KCND2: variants seen among roughly 807,000 people sequenced by gnomAD.
The protein encoded by KCND2 is A-type voltage-gated potassium channel KCND2.
KCND2 carries 16 observed loss-of-function variants against 54.4 expected under a neutral mutation model. That is an observed-to-expected ratio of 0.29 (90% CI 0.20 to 0.45). KCND2 has a LOEUF of 0.45. KCND2 is among the 20% of genes least tolerant of loss of function. The pLI is 1.00. For synonymous variants in KCND2, 317 were observed against 310.7 expected (o/e 1.02, Z -0.21); for missense variants, 486 against 824.2 (o/e 0.59, Z 5.02).
intron 1 of KCND2, among the ~76,000 whole-genome samples, chr7:120,535,861 A>G (rs897066666): frequency 1.3e-5 from 2 of 152,126 alleles, no homozygotes; most frequent in Admixed American, 6.6e-5. Context: ...AGACCCTTGC[A>G]TAGTCCATAA....
intron 1 of KCND2, among the ~76,000 whole-genome samples, chr7:120,683,217 A>G (rs969271162): frequency 2.0e-5 from 3 of 152,196 alleles, no homozygotes; most frequent in Non-Finnish European, 2.9e-5. Flanking sequence ...GAATAAATGA[A>G]GAAATCCTAT....
At chr7:120,688,721 C>G (rs1792234003) in intron 1 of KCND2, among the ~76,000 whole-genome samples, 1 of 152,130 alleles carries the variant, frequency 6.6e-6, no homozygotes, top group African/African-American at 2.4e-5. Flanking sequence ...ATTCTTCCAT[C>G]TTGATCTCAT....
intron 1 of KCND2, chr7:120,464,148 T>C: frequency 1.1e-6 from 1 of 877,420 alleles, no homozygotes. Flanking sequence ...CTATATCAAA[T>C]TGTATTGTCA....
intron 1 of KCND2, among the ~76,000 whole-genome samples, chr7:120,646,485 A>AT (rs1246763134): frequency 3.3e-5 from 5 of 152,002 alleles, no homozygotes; most frequent in African/African-American, 1.2e-4. Flanking sequence ...GTTTATGGTG[A>AT]TTTTTTTCTG....
intron 1 of KCND2, among the ~76,000 whole-genome samples, chr7:120,629,290 A>G (rs745547681): frequency 5.9e-5 from 9 of 152,212 alleles, no homozygotes; most frequent in Non-Finnish European, 1.3e-4. Context: ...GATTGAGACT[A>G]TGCTTGGTAA....
At chr7:120,622,711 T>TCA (rs1793116643) in intron 1 of KCND2, among the ~76,000 whole-genome samples, 1 of 134,000 alleles carries the variant, frequency 7.5e-6, no homozygotes, top group African/African-American at 2.7e-5. Context: ...TCTCTCTCTC[T>TCA]CTCTCACACA....
At position 120,572,707 on chromosome 7, in the gene KCND2, G is replaced by A. The variant is rs550109960; in HGVS notation, c.1116-160196G>A. On this transcript the variant is annotated intron_variant, in intron 1 of 5. Transcript: ENST00000331113. ...TAATTTTTGTACTTTTATTAGAGAC[G>A]GGGTTTCATCATATTGGCCAGGCTG... Among the ~76,000 whole-genome samples, 148 of 152,148 alleles carry A rather than the reference G, an allele frequency of 9.7e-4. 1 individual carries two copies. The highest frequency in any genetic ancestry group is 2.8e-3 in the African/African-American group (117 of 41,494).
At position 120,749,836 on chromosome 7, in the gene KCND2, A is replaced by G. The variant is rs1273790180; in HGVS notation, c.*1978A>G. Reference sequence around the variant, plus strand: ...AGTTTATGCTTCTAGAGCAATGTCTAGTGAAACTTATCTGATGGCATTTAT... The same window carrying G: ...AGTTTATGCTTCTAGAGCAATGTCTGGTGAAACTTATCTGATGGCATTTAT... On this transcript the variant is annotated 3_prime_UTR_variant, in exon 6 of 6. Transcript: ENST00000331113. The G allele has an allele frequency of 6.6e-6, 1 of 152,014 alleles. No individual in the cohort carries two copies. Among genetic ancestry groups the G allele is most frequent in the Non-Finnish European group, 1.5e-5 (1 of 67,862 alleles). The allele number at this position is 152,014 out of a possible 1,614,324, so 9.4% of individuals were successfully genotyped here. A position where few individuals can be genotyped will look rare whatever the true frequency, so the allele number is the denominator to read the frequency against.
intron 1 of KCND2, among the ~76,000 whole-genome samples, chr7:120,691,793 C>T (rs1792272389): frequency 6.6e-6 from 1 of 152,076 alleles, no homozygotes; most frequent in Non-Finnish European, 1.5e-5. Context: ...AGAAATGGTG[C>T]TGATACTGGG....
chr7:120,742,705 C>T (rs1419958282), intron 4 of KCND2, 103 bp downstream of exon 4: 9 of 889,054 alleles, frequency 1.0e-5, no homozygotes, highest in Non-Finnish European at 1.7e-5. Flanking sequence ...GTCTGCATTA[C>T]TGGAAAACAT....
intron 1 of KCND2, among the ~76,000 whole-genome samples, chr7:120,337,345 T>G (rs1800165995): frequency 6.6e-6 from 1 of 152,210 alleles, no homozygotes; most frequent in Non-Finnish European, 1.5e-5. Context: ...AAATCTCCTA[T>G]TCAAGCAAAG....
intron 1 of KCND2, among the ~76,000 whole-genome samples, chr7:120,568,706 T>C (rs1479987985): frequency 6.6e-6 from 1 of 152,134 alleles, no homozygotes; most frequent in Non-Finnish European, 1.5e-5. Flanking sequence ...CTTTAGTAAA[T>C]TGCTAAACCT....
At chr7:120,399,069 T>A (rs953693586) in intron 1 of KCND2, among the ~76,000 whole-genome samples, 6 of 152,022 alleles carry the variant, frequency 3.9e-5, no homozygotes, top group Non-Finnish European at 7.4e-5. Flanking sequence ...TACATTATCT[T>A]AAATTATAAT....
chr7:120,480,630 T>C (rs1482846429), intron 1 of KCND2, among the ~76,000 whole-genome samples: 1 of 152,172 alleles, frequency 6.6e-6, no homozygotes, highest in Non-Finnish European at 1.5e-5. Flanking sequence ...GATAAAACGA[T>C]CAGTTCAGGT....
intron 1 of KCND2, among the ~76,000 whole-genome samples, chr7:120,590,801 T>TAA (rs1265494209): frequency 6.6e-6 from 1 of 152,186 alleles, no homozygotes; most frequent in Non-Finnish European, 1.5e-5. Context: ...CACACTTTAG[T>TAA]GCTATGGATT....
chr7:120,467,793 A>C (rs2116253929), intron 1 of KCND2, among the ~76,000 whole-genome samples: 1 of 152,258 alleles, frequency 6.6e-6, no homozygotes, highest in African/African-American at 2.4e-5. Context: ...AGGAAAGAAA[A>C]CAATTGTAAC....
chr7:120,500,989 GA>G (rs34167022), intron 1 of KCND2, among the ~76,000 whole-genome samples: 9 of 148,896 alleles, frequency 6.0e-5, no homozygotes, highest in East Asian at 2.0e-4. Context: ...CTTTTTGTGT[GA>G]AAAAAAAATA....
intron 1 of KCND2, among the ~76,000 whole-genome samples, chr7:120,366,932 C>T (rs1800693193): frequency 6.6e-6 from 1 of 152,106 alleles, no homozygotes; most frequent in Non-Finnish European, 1.5e-5. Flanking sequence ...CTTCCTCCCT[C>T]CCTTTCTCCC....
chr7:120,411,147 T>C (rs1418298073), intron 1 of KCND2, among the ~76,000 whole-genome samples: 1 of 152,050 alleles, frequency 6.6e-6, no homozygotes, highest in Non-Finnish European at 1.5e-5. Flanking sequence ...CAATGTTTTG[T>C]CTTTTTCAAT....
Sources: allele counts gnomAD v4.1 joint callset (sites outside exome capture counted in the v4.1 genomes callset), GRCh38; gene constraint gnomAD v4.1.1; transcripts MANE v1.5; gene names NCBI Gene and HGNC (gene_info 2026-07-23, HGNC 2026-07-21).